MARCHF8: variants seen among roughly 807,000 people sequenced by gnomAD.
The protein encoded by MARCHF8 is membrane associated ring-CH-type finger 8, also known as E3 ubiquitin-protein ligase MARCHF8.
MARCHF8 carries 40 observed loss-of-function variants against 51.6 expected under a neutral mutation model. The ratio of observed to expected loss-of-function variants is 0.77; its 90% CI spans 0.60 to 1.01. The LOEUF is 1.01. MARCHF8 is among the 50% of genes least tolerant of loss of function. The pLI is 0.00. For synonymous variants in MARCHF8, 263 were observed against 280.3 expected (o/e 0.94, Z 0.62); for missense variants, 685 against 708.6 (o/e 0.97, Z 0.38).
chr10:45,459,353 C>CGACCACCGAGA, intron 6 of MARCHF8, 86 bp from the exon 7 acceptor site: 2 of 1,409,472 alleles, frequency 1.4e-6, no homozygotes, highest in East Asian at 2.4e-5. Flanking sequence ...GTAAGATTGG[C>CGACCACCGAGA]TTTCCACCCC....
At chr10:45,484,908 A>G (rs1207415190) in intron 3 of MARCHF8, among the ~76,000 whole-genome samples, 1 of 152,218 alleles carries the variant, frequency 6.6e-6, no homozygotes, top group Non-Finnish European at 1.5e-5. Flanking sequence ...TAGATGTGAC[A>G]GCTCAAGGTA....
intron 2 of MARCHF8, among the ~76,000 whole-genome samples, chr10:45,511,472 G>A (rs1245592721): frequency 6.6e-6 from 1 of 152,170 alleles, no homozygotes; most frequent in African/African-American, 2.4e-5. Flanking sequence ...AAGCTGGACT[G>A]TACTGCTGCC....
chr10:45,542,303 T>C (rs573056844), intron 1 of MARCHF8, among the ~76,000 whole-genome samples: 33 of 124,700 alleles, frequency 2.6e-4, no homozygotes, highest in Non-Finnish European at 1.6e-4. Context: ...GCCGAGACCG[T>C]CCTACCGCAC....
At chr10:45,509,310 T>A (rs1160809448) in intron 2 of MARCHF8, among the ~76,000 whole-genome samples, 4 of 152,244 alleles carry the variant, frequency 2.6e-5, no homozygotes, top group African/African-American at 9.6e-5. Flanking sequence ...GCTGTTTGAA[T>A]GTATTTTCCA....
intron 3 of MARCHF8, among the ~76,000 whole-genome samples, chr10:45,465,319 G>C (rs886566997): frequency 4.6e-5 from 7 of 152,184 alleles, no homozygotes; most frequent in African/African-American, 1.7e-4. Context: ...ACAGTGCCAC[G>C]AGTCTGTTAT....
intron 1 of MARCHF8, among the ~76,000 whole-genome samples, chr10:45,560,403 A>G (rs2044296422): frequency 1.3e-5 from 2 of 152,226 alleles, no homozygotes; most frequent in Admixed American, 1.3e-4. Context: ...TAGATAAGTT[A>G]GTTTACTTAG....
intron 2 of MARCHF8, among the ~76,000 whole-genome samples, chr10:45,515,844 C>T (rs2043609583): frequency 6.6e-6 from 1 of 152,344 alleles, no homozygotes; most frequent in South Asian, 2.1e-4. Context: ...GCGGAGAGGG[C>T]AGTTCATGGT....
intron 3 of MARCHF8, among the ~76,000 whole-genome samples, chr10:45,469,075 CTG>C (rs1843069254): frequency 6.6e-6 from 1 of 152,108 alleles, no homozygotes; most frequent in South Asian, 2.1e-4. Flanking sequence ...TGAGGCAACA[CTG>C]TTCCATCTAC....
At chr10:45,541,124 T>G (rs572129464) in intron 1 of MARCHF8, among the ~76,000 whole-genome samples, 1 of 152,218 alleles carries the variant, frequency 6.6e-6, no homozygotes, top group Non-Finnish European at 1.5e-5. Context: ...TGCACACGTA[T>G]GTTTATTGCG....
chr10:45,548,444 G>A (rs899131934), intron 1 of MARCHF8, among the ~76,000 whole-genome samples: 11 of 152,170 alleles, frequency 7.2e-5, no homozygotes, highest in African/African-American at 1.7e-4. Flanking sequence ...GGGCAGGTAC[G>A]TGAATTAGGT....
intron 1 of MARCHF8, among the ~76,000 whole-genome samples, chr10:45,588,396 G>A (rs2044641212): frequency 2.0e-5 from 3 of 152,182 alleles, no homozygotes; most frequent in Admixed American, 6.5e-5. Context: ...TCTTTTTTGA[G>A]TGCCTTTGCT....
intron 1 of MARCHF8, among the ~76,000 whole-genome samples, chr10:45,569,258 C>T (rs1014202788): frequency 6.6e-6 from 1 of 152,030 alleles, no homozygotes; most frequent in African/African-American, 2.4e-5. Context: ...GCTTTAATTA[C>T]GTTGAGGTAT....
rs1464771132 is a variant in MARCHF8, at chr10:45,458,098, G to C, written c.*141C>G. ...AAGGTTTTCTAGGAGACTAAGGAGG[G>C]TTTAGAAAAAGAGAAGCCACTATAA... On this transcript the variant is annotated 3_prime_UTR_variant, in exon 8 of 8. Coordinates refer to ENST00000453424, the MANE Select transcript of MARCHF8 (RefSeq NM_001282866.2). The C allele has an allele frequency of 1.1e-6, 1 of 916,180 alleles. No individual in the cohort carries two copies. The highest frequency in any genetic ancestry group is 1.7e-5 in the African/African-American group (1 of 59,616). 56.8% of individuals were successfully genotyped at this position (916,180 alleles called of 1,614,324 possible).
intron 3 of MARCHF8, among the ~76,000 whole-genome samples, chr10:45,472,926 T>C (rs547658241): frequency 2.6e-5 from 4 of 152,356 alleles, no homozygotes; most frequent in Non-Finnish European, 4.4e-5. Flanking sequence ...ATAAATATCC[T>C]GTTTTGGGAC....
At chr10:45,486,556 T>C (rs1170252599) in intron 3 of MARCHF8, among the ~76,000 whole-genome samples, 2 of 151,988 alleles carry the variant, frequency 1.3e-5, no homozygotes, top group African/African-American at 4.8e-5. Flanking sequence ...GGAGCGAGAC[T>C]CTGTCTAAAA....
At chr10:45,479,602 T>C (rs2042849723) in intron 3 of MARCHF8, among the ~76,000 whole-genome samples, 1 of 152,188 alleles carries the variant, frequency 6.6e-6, no homozygotes, top group Non-Finnish European at 1.5e-5. Flanking sequence ...TGAATAAGTC[T>C]CATGAAATCT....
chr10:45,475,526 G>A (rs1226531761), intron 3 of MARCHF8, among the ~76,000 whole-genome samples: 1 of 152,088 alleles, frequency 6.6e-6, no homozygotes, highest in Non-Finnish European at 1.5e-5. Context: ...CTGAGGTCAG[G>A]CCCACCCAAC....
intron 1 of MARCHF8, among the ~76,000 whole-genome samples, chr10:45,593,008 T>A (rs994519972): frequency 6.6e-6 from 1 of 152,176 alleles, no homozygotes; most frequent in Non-Finnish European, 1.5e-5. Flanking sequence ...AAAGGTAGAA[T>A]AGTAATCAAT....
At chr10:45,581,376 G>A (rs2044553727) in intron 1 of MARCHF8, among the ~76,000 whole-genome samples, 3 of 152,152 alleles carry the variant, frequency 2.0e-5, no homozygotes, top group Non-Finnish European at 4.4e-5. Context: ...GTACAATTCA[G>A]CAGGAACAAG....
Sources: allele counts gnomAD v4.1 joint callset (sites outside exome capture counted in the v4.1 genomes callset), GRCh38; gene constraint gnomAD v4.1.1; transcripts MANE v1.5; gene names NCBI Gene and HGNC (gene_info 2026-07-23, HGNC 2026-07-21).